The following FSHR variants were observed in gnomAD, a reference collection of about 807,000 sequenced individuals.
FSHR encodes the protein follicle-stimulating hormone receptor.
In FSHR, 46 loss-of-function variants were observed where a neutral mutation model predicts 52.1. That is an observed-to-expected ratio of 0.88 (90% CI 0.70 to 1.13). The LOEUF is 1.13. Among genes scored for constraint, FSHR ranks in the 50% most tolerant of loss-of-function variants. The probability of loss-of-function intolerance (pLI) is 0.00; values close to 1 mark genes in which losing one functional copy is unlikely to be tolerated. For missense variants in FSHR, 964 were observed against 834.6 expected (o/e 1.16, Z -1.91); for synonymous variants, 399 against 309.6 (o/e 1.29, Z -3.03).
chr2:49,021,823 G>GTA (rs1195460531), intron 2 of FSHR, among the ~76,000 whole-genome samples: 2 of 120,328 alleles, frequency 1.7e-5, no homozygotes, highest in Non-Finnish European at 1.8e-5. Context: ...TAAGGGTGGG[G>GTA]TATGTGTTTC....
At chr2:49,071,645 G>A (rs1029058404) in intron 1 of FSHR, among the ~76,000 whole-genome samples, 4 of 152,098 alleles carry the variant, frequency 2.6e-5, no homozygotes, top group African/African-American at 9.7e-5. Context: ...AGGAATACTT[G>A]AAACTAAGTA....
intron 2 of FSHR, among the ~76,000 whole-genome samples, chr2:49,028,663 C>T (rs72877824): frequency 0.012 from 1,856 of 152,288 alleles, 38 homozygotes; most frequent in African/African-American, 0.043. Context: ...GAAGAAAGCT[C>T]TTCCTGTGGA....
At chr2:49,117,398 GATA>G (rs1671642283) in intron 1 of FSHR, among the ~76,000 whole-genome samples, 2 of 152,164 alleles carry the variant, frequency 1.3e-5, no homozygotes, top group African/African-American at 4.8e-5. Context: ...CTACTATCAG[GATA>G]ATAATAGTGT....
intron 1 of FSHR, among the ~76,000 whole-genome samples, chr2:49,081,665 ATT>A (rs1232717739): frequency 6.6e-6 from 1 of 152,088 alleles, no homozygotes; most frequent in Non-Finnish European, 1.5e-5. Context: ...ACTAAAAAAA[ATT>A]TTTTTGTCAC....
chr2:49,070,495 A>G (rs946880683), intron 1 of FSHR, among the ~76,000 whole-genome samples: 1 of 152,186 alleles, frequency 6.6e-6, no homozygotes, highest in African/African-American at 2.4e-5. Context: ...AAACCAATAA[A>G]TGAAGATAAT....
chr2:49,066,781 A>C (rs1669518091), intron 2 of FSHR, among the ~76,000 whole-genome samples: 1 of 152,148 alleles, frequency 6.6e-6, no homozygotes, highest in African/African-American at 2.4e-5. Flanking sequence ...AAACTTGATT[A>C]AAGTAGCTTA....
Position 48,963,919 on chromosome 2 carries a change from A to C in FSHR, c.902T>G (p.Val301Gly). The C allele has an allele frequency of 6.2e-7, 1 of 1,613,884 alleles. No homozygotes were observed. The highest frequency in any genetic ancestry group is 8.5e-7 in the Non-Finnish European group (1 of 1,179,904). ...ICNKSILRQE[V>G]DYMTQARGQR... ...ACCCCTAGCCTGAGTCATATAATCA[A>C]CTTCTTGCCTTAAAATAGATTTGTT... Residue 301 changes from valine to glycine, a missense_variant, in exon 10 of 10, where the codon GTT (valine) becomes GGT (glycine). Val to Gly is a moderately radical substitution (Grantham distance 109). Coordinates refer to ENST00000406846, the MANE Select transcript of FSHR (RefSeq NM_000145.4).
At chr2:49,129,004 C>T (rs1448265781) in intron 1 of FSHR, among the ~76,000 whole-genome samples, 7 of 150,622 alleles carry the variant, frequency 4.6e-5, no homozygotes, top group Non-Finnish European at 7.4e-5. Flanking sequence ...CTTTGAAGGT[C>T]GTTAAAGCAT....
chr2:49,019,886 A>G (rs1667627283), intron 3 of FSHR, among the ~76,000 whole-genome samples, 200 bp downstream of exon 3: 1 of 152,196 alleles, frequency 6.6e-6, no homozygotes, highest in Admixed American at 6.5e-5. Flanking sequence ...AGGCAACAGG[A>G]TGAGACTAGG....
chr2:49,131,296 A>G (rs540258153), intron 1 of FSHR, among the ~76,000 whole-genome samples: 70 of 152,324 alleles, frequency 4.6e-4, no homozygotes, highest in African/African-American at 1.7e-3. Flanking sequence ...ATTTATATCT[A>G]ATTGGAGCCT....
chr2:49,001,004 G>C (rs558936392), intron 4 of FSHR, among the ~76,000 whole-genome samples: 1 of 152,052 alleles, frequency 6.6e-6, no homozygotes, highest in East Asian at 1.9e-4. Flanking sequence ...ACCTGACAAA[G>C]GTATTTCATA....
intron 4 of FSHR, among the ~76,000 whole-genome samples, chr2:49,006,403 C>A (rs1457060238): frequency 6.6e-6 from 1 of 152,034 alleles, no homozygotes; most frequent in African/African-American, 2.4e-5. Flanking sequence ...TTCTCCCAAT[C>A]TTACCCAACC....
intron 1 of FSHR, among the ~76,000 whole-genome samples, chr2:49,153,328 G>C (rs1673128562): frequency 6.6e-6 from 1 of 152,174 alleles, no homozygotes; most frequent in Non-Finnish European, 1.5e-5. Context: ...AAATCCCTGA[G>C]TCCCAACTTG....
At chr2:49,135,251 G>C (rs907712242) in intron 1 of FSHR, among the ~76,000 whole-genome samples, 19 of 151,680 alleles carry the variant, frequency 1.3e-4, no homozygotes, top group South Asian at 4.2e-4. Flanking sequence ...TGATTGAATA[G>C]AAATAATACA....
intron 2 of FSHR, among the ~76,000 whole-genome samples, chr2:49,021,801 G>T (rs1169258187): frequency 1.4e-5 from 2 of 143,336 alleles, no homozygotes; most frequent in African/African-American, 5.2e-5. Flanking sequence ...CATTTGCACA[G>T]TTGAACATAA....
intron 5 of FSHR, 124 bp from the exon 6 acceptor site, chr2:48,989,178 T>G: frequency 1.4e-6 from 1 of 711,018 alleles, no homozygotes; most frequent in South Asian, 1.6e-5. Flanking sequence ...AACTAGTTGT[T>G]GTTTAGAAGA....
rs1676068015 is a variant in FSHR, at chr2:48,997,336, A to T, written c.375-6699T>A. On this transcript the variant is annotated intron_variant, in intron 4 of 9. Transcript: ENST00000406846. ...ACTGGAACTCTTTGTCTCAGTCTCC[A>T]TGGAAACCAAACTCCTTAGTAATCA... 1.0e-5 allele frequency: 10 copies of T among 985,172 alleles called. No homozygotes were observed. The South Asian group carries it at 4.2e-4, about 42-fold the overall frequency. The allele number at this position is 985,172 out of a possible 1,614,324, so 61.0% of individuals were successfully genotyped here.
chr2:49,085,283 C>CA (rs1298555375), intron 1 of FSHR, among the ~76,000 whole-genome samples: 1 of 152,212 alleles, frequency 6.6e-6, no homozygotes, highest in African/African-American at 2.4e-5. Flanking sequence ...AGGCCTTTGA[C>CA]AAAATTCAAC....
intron 1 of FSHR, among the ~76,000 whole-genome samples, chr2:49,085,698 A>G (rs1670356514): frequency 6.6e-6 from 1 of 152,182 alleles, no homozygotes; most frequent in Non-Finnish European, 1.5e-5. Flanking sequence ...ACAATAGCAA[A>G]GACTTGGAAC....
Sources: allele counts gnomAD v4.1 joint callset (sites outside exome capture counted in the v4.1 genomes callset), GRCh38; gene constraint gnomAD v4.1.1; transcripts MANE v1.5; gene names NCBI Gene and HGNC (gene_info 2026-07-23, HGNC 2026-07-21).